The following SYT10 variants were observed in gnomAD, a reference collection of about 807,000 sequenced individuals.
SYT10 encodes synaptotagmin-10.
In SYT10, 31 loss-of-function variants were observed where a neutral mutation model predicts 51.1. That is an observed-to-expected ratio of 0.61 (90% confidence interval 0.46 to 0.82). The LOEUF (loss-of-function observed/expected upper bound fraction) is 0.82, where lower values mean the gene tolerates loss of function less well. Among genes scored for constraint, SYT10 ranks in the 40% least tolerant of loss-of-function variants. The pLI is 0.00. For synonymous variants in SYT10, 233 were observed against 225.9 expected, an observed-to-expected ratio of 1.03 and a Z score of -0.28; for missense variants, 603 against 634.0, an observed-to-expected ratio of 0.95 and a Z score of 0.53.
At chr12:33,426,876 A>G (rs1166342888) in intron 1 of SYT10, among the ~76,000 whole-genome samples, 1 of 152,200 alleles carries the variant, frequency 6.6e-6, no homozygotes, top group East Asian at 1.9e-4. Context: ...TTCATCTTTG[A>G]TCTAAAGATG....
chr12:33,392,809 A>G (rs761497358), intron 3 of SYT10, among the ~76,000 whole-genome samples: 7 of 151,702 alleles, frequency 4.6e-5, no homozygotes, highest in Non-Finnish European at 1.0e-4. Flanking sequence ...GAGACAGGAT[A>G]ATTACAAAAC....
At chr12:33,431,151 G>A (rs1445509844) in intron 1 of SYT10, among the ~76,000 whole-genome samples, 11 of 152,124 alleles carry the variant, frequency 7.2e-5, no homozygotes, top group Admixed American at 7.2e-4. Context: ...CTGGATGGAA[G>A]AAGAAGATGG....
intron 1 of SYT10, among the ~76,000 whole-genome samples, chr12:33,428,770 G>C (rs1866572782): frequency 6.6e-6 from 1 of 152,164 alleles, no homozygotes; most frequent in African/African-American, 2.4e-5. Context: ...GCCAGGCGTG[G>C]TGGCGGGTGC....
intron 3 of SYT10, among the ~76,000 whole-genome samples, chr12:33,386,801 T>C (rs1361666569): frequency 6.6e-6 from 1 of 152,210 alleles, no homozygotes; most frequent in Non-Finnish European, 1.5e-5. Context: ...GCACGGTGCA[T>C]AGCTGATACA....
At chr12:33,402,326 C>T (rs1313727254) in intron 3 of SYT10, among the ~76,000 whole-genome samples, 1 of 152,128 alleles carries the variant, frequency 6.6e-6, no homozygotes. Context: ...ATGCTACAGT[C>T]TTAATTTATT....
chr12:33,411,684 TTTA>T (rs201801665), intron 2 of SYT10, among the ~76,000 whole-genome samples: 1,953 of 152,260 alleles, frequency 0.013, 36 homozygotes, highest in African/African-American at 0.044. Context: ...GACTCAATAT[TTTA>T]GTTTCTGTAT....
At chr12:33,387,616 A>G (rs2138390559) in intron 3 of SYT10, among the ~76,000 whole-genome samples, 1 of 152,360 alleles carries the variant, frequency 6.6e-6, no homozygotes, top group South Asian at 2.1e-4. Context: ...ATCCAACTGG[A>G]TATCCTTTGG....
chr12:33,431,293 GCT>G (rs1393330736), intron 1 of SYT10, among the ~76,000 whole-genome samples: 2 of 152,250 alleles, frequency 1.3e-5, no homozygotes, highest in Non-Finnish European at 2.9e-5. Flanking sequence ...ACTGAAAAAT[GCT>G]CTTTTAAAAT....
intron 6 of SYT10, among the ~76,000 whole-genome samples, chr12:33,377,501 G>A (rs1361190082): frequency 1.3e-5 from 2 of 152,144 alleles, no homozygotes; most frequent in Non-Finnish European, 2.9e-5. Flanking sequence ...GCGTTTGGCA[G>A]ATGGGAGCCC....
chr12:33,436,254 A>G (rs1353514071), intron 1 of SYT10, among the ~76,000 whole-genome samples: 4 of 152,174 alleles, frequency 2.6e-5, no homozygotes. Context: ...TTTGGGTCCA[A>G]TATGTTGCTT....
chr12:33,415,790 A>C (rs116561962), intron 2 of SYT10, among the ~76,000 whole-genome samples: 1,662 of 152,316 alleles, frequency 0.011, 36 homozygotes, highest in African/African-American at 0.036. Flanking sequence ...AGAGTGATTC[A>C]TTACACAAAT....
intron 2 of SYT10, among the ~76,000 whole-genome samples, chr12:33,411,864 G>T (rs1274509782): frequency 6.6e-6 from 1 of 152,002 alleles, no homozygotes; most frequent in East Asian, 1.9e-4. Flanking sequence ...GGTTAGCAAA[G>T]GTCAGAGGGA....
At chr12:33,378,666 G>A (rs1366042794) in intron 6 of SYT10, among the ~76,000 whole-genome samples, 1 of 152,106 alleles carries the variant, frequency 6.6e-6, no homozygotes, top group Non-Finnish European at 1.5e-5. Flanking sequence ...ACCAGGAAAA[G>A]AATACTAATT....
intron 2 of SYT10, among the ~76,000 whole-genome samples, chr12:33,414,074 A>G (rs1452356620): frequency 1.3e-5 from 2 of 152,024 alleles, no homozygotes; most frequent in African/African-American, 4.8e-5. Context: ...ACAAAGATCA[A>G]AAGAGACAAA....
At chr12:33,402,037 G>T (rs1338074068) in intron 3 of SYT10, among the ~76,000 whole-genome samples, 1 of 152,112 alleles carries the variant, frequency 6.6e-6, no homozygotes, top group Non-Finnish European at 1.5e-5. Context: ...ATTGCTACCA[G>T]CCTCAATAGG....
chr12:33,426,731 A>C (rs1565499585), intron 1 of SYT10, among the ~76,000 whole-genome samples: 1 of 152,176 alleles, frequency 6.6e-6, no homozygotes. Context: ...GAAAATTACG[A>C]TGTATGCATA....
chr12:33,427,316 A>T (rs1793856428), intron 1 of SYT10, among the ~76,000 whole-genome samples: 1 of 152,112 alleles, frequency 6.6e-6, no homozygotes, highest in African/African-American at 2.4e-5. Context: ...TGAACCAGGA[A>T]ATGGGCCGAT....
intron 1 of SYT10, among the ~76,000 whole-genome samples, chr12:33,427,198 G>A (rs1441639559): frequency 6.6e-6 from 1 of 152,020 alleles, no homozygotes; most frequent in Non-Finnish European, 1.5e-5. Flanking sequence ...GAGGGCATTA[G>A]GTCATGAGGG....
At chr12:33,387,885 G>C (rs1484620495) in intron 3 of SYT10, among the ~76,000 whole-genome samples, 1 of 151,702 alleles carries the variant, frequency 6.6e-6, no homozygotes, top group African/African-American at 2.4e-5. Flanking sequence ...TGGGATTATA[G>C]GCATGTACCA....
Sources: allele counts gnomAD v4.1 joint callset (sites outside exome capture counted in the v4.1 genomes callset), GRCh38; gene constraint gnomAD v4.1.1; transcripts MANE v1.5; gene names NCBI Gene and HGNC (gene_info 2026-07-23, HGNC 2026-07-21).